Variants in EMC3 observed in about 807,000 individuals in gnomAD.
The protein encoded by EMC3 is 30 kDa protein.
EMC3 carries 13 observed loss-of-function variants against 36.6 expected under a neutral mutation model. The observed-to-expected ratio is 0.35, with a 90% confidence interval of 0.23 to 0.56. The LOEUF (loss-of-function observed/expected upper bound fraction) is 0.56, where lower values mean the gene tolerates loss of function less well. Among genes scored for constraint, EMC3 ranks in the 20% least tolerant of loss-of-function variants. The probability of loss-of-function intolerance (pLI) is 0.84; values close to 1 mark genes in which losing one functional copy is unlikely to be tolerated. For synonymous variants in EMC3, 120 were observed against 111.9 expected, an observed-to-expected ratio of 1.07 and a Z score of -0.46; for missense variants, 220 against 324.5, an observed-to-expected ratio of 0.68 and a Z score of 2.47.
intron 1 of EMC3, among the ~76,000 whole-genome samples, chr3:9,995,363 A>G (rs1361010536): frequency 5.9e-5 from 9 of 152,022 alleles, no homozygotes; most frequent in African/African-American, 1.9e-4. Context: ...AGAAAGAGGA[A>G]AACTACGCCC....
In EMC3 at chr3:9,973,719, A is replaced by T. The variant is rs1456401559; in HGVS notation, c.413-10T>A. 5.0e-6 allele frequency: 8 copies of T among 1,612,722 alleles called. No homozygotes were observed. Among genetic ancestry groups the T allele is most frequent in the Non-Finnish European group, 6.8e-6 (8 of 1,178,786 alleles). On this transcript the variant is annotated splice_polypyrimidine_tract_variant and intron_variant, in intron 4 of 7. Transcript: ENST00000245046. ...GGAAATGGGACCTTGGCTGCAGAGA[A>T]GAAAAAGTTCACAATCACTCTGAGC...
chr3:9,973,012 T>C (rs1406315750), intron 5 of EMC3, among the ~76,000 whole-genome samples: 3 of 149,958 alleles, frequency 2.0e-5, no homozygotes, highest in Non-Finnish European at 4.4e-5. Flanking sequence ...GTATTTTTAG[T>C]AGAGATGGGG....
chr3:9,989,887 C>A (rs527380455), upstream of EMC3, among the ~76,000 whole-genome samples: 39 of 150,892 alleles, frequency 2.6e-4, no homozygotes, highest in South Asian at 7.1e-3. Context: ...TTTTGGTGTC[C>A]TAAGAAGTGG....
At chr3:9,970,162 A>C (rs879603666) in intron 6 of EMC3, among the ~76,000 whole-genome samples, 1 of 152,238 alleles carries the variant, frequency 6.6e-6, no homozygotes, top group Non-Finnish European at 1.5e-5. Context: ...TTATTTACAG[A>C]TAAGTAAATA....
intron 1 of EMC3, chr3:10,005,026 T>C (rs550804833): frequency 6.6e-6 from 1 of 152,372 alleles, no homozygotes; most frequent in African/African-American, 2.4e-5. Flanking sequence ...AGACACCATC[T>C]GATAGGGAAC....
At chr3:9,975,539 A>G (rs1173468534) in intron 3 of EMC3, among the ~76,000 whole-genome samples, 4 of 151,696 alleles carry the variant, frequency 2.6e-5, no homozygotes, top group Non-Finnish European at 5.9e-5. Flanking sequence ...TTGGCCAGGC[A>G]CGGTGGCTCA....
chr3:9,994,319 A>G, intron 1 of EMC3: 1 of 915,504 alleles, frequency 1.1e-6, no homozygotes, highest in Non-Finnish European at 1.8e-6. Context: ...ACATACTGCC[A>G]GCAGGTATGT....
At chr3:9,979,212 C>T (rs1240962265) in intron 1 of EMC3, among the ~76,000 whole-genome samples, 3 of 152,178 alleles carry the variant, frequency 2.0e-5, no homozygotes, top group Admixed American at 6.5e-5. Context: ...GTGGTGAATG[C>T]TAGTCTGTGA....
chr3:9,967,154 T>C (rs899964622), intron 7 of EMC3, among the ~76,000 whole-genome samples: 1 of 152,158 alleles, frequency 6.6e-6, no homozygotes, highest in African/African-American at 2.4e-5. Context: ...CATGCAATAT[T>C]AAAGATTTGG....
upstream of EMC3, chr3:9,986,926 C>A (rs1160009539): frequency 2.4e-6 from 3 of 1,248,656 alleles, no homozygotes; most frequent in Non-Finnish European, 3.0e-6. Flanking sequence ...GGAAAACTAT[C>A]GGCGGTGGCC....
intron 1 of EMC3, 98 bp downstream of exon 1, chr3:9,986,409 G>C: frequency 7.1e-7 from 1 of 1,414,958 alleles, no homozygotes; most frequent in Non-Finnish European, 9.8e-7. Flanking sequence ...CTGTCAGAGG[G>C]GGCGCGACGT....
chr3:10,001,891 C>T lies in EMC3; in HGVS notation c.-242+9132G>A, dbSNP rs372591598. On this transcript the variant is annotated intron_variant, in intron 1 of 8. Coordinates refer to the EMC3 transcript ENST00000470827. Reference sequence around the variant, plus strand: ...GCGGGTGCCTGTAGTCCCGGCTACTCAGGAGGCTGAGGCAGGAGAATTGCA... The same window carrying T: ...GCGGGTGCCTGTAGTCCCGGCTACTTAGGAGGCTGAGGCAGGAGAATTGCA... Among the ~76,000 whole-genome samples the T allele has an allele frequency of 7.2e-5, 11 of 152,042 alleles. 1 individual carries two copies. The East Asian group carries it at 9.7e-4, about 13-fold the overall frequency.
intron 1 of EMC3, among the ~76,000 whole-genome samples, chr3:10,000,332 G>A (rs572555130): frequency 6.6e-6 from 1 of 152,208 alleles, no homozygotes; most frequent in Non-Finnish European, 1.5e-5. Flanking sequence ...GAGCTACTGC[G>A]CCCGGCCTCT....
intron 1 of EMC3, among the ~76,000 whole-genome samples, chr3:9,998,549 C>T (rs2086158607): frequency 1.3e-5 from 2 of 151,822 alleles, no homozygotes; most frequent in Non-Finnish European, 2.9e-5. Context: ...CCCTCCTCAG[C>T]CTCTTGAGTA....
intron 5 of EMC3, among the ~76,000 whole-genome samples, chr3:9,972,394 T>A (rs969381268): frequency 6.6e-6 from 1 of 151,786 alleles, no homozygotes; most frequent in African/African-American, 2.4e-5. Flanking sequence ...TGACACATTC[T>A]TTCCTTTTGC....
chr3:9,983,455 TC>T (rs1455856680), intron 1 of EMC3, among the ~76,000 whole-genome samples: 1 of 152,130 alleles, frequency 6.6e-6, no homozygotes, highest in Non-Finnish European at 1.5e-5. Context: ...GCTGTTACAT[TC>T]CTTCTTAAGG....
chr3:9,981,693 C>G (rs531010552), intron 1 of EMC3: 23 of 406,534 alleles, frequency 5.7e-5, no homozygotes, highest in Non-Finnish European at 7.7e-5. Context: ...TCTCAGCCCC[C>G]CAAAGTGCTG....
intron 3 of EMC3, among the ~76,000 whole-genome samples, chr3:9,976,711 C>T (rs2085853688): frequency 6.6e-6 from 1 of 152,126 alleles, no homozygotes; most frequent in Non-Finnish European, 1.5e-5. Flanking sequence ...CTCTGGCCTC[C>T]CCACTCCATC....
At chr3:9,978,145 T>TAAAAAAAAAAAAAAAAAAAAAAAAAA in intron 1 of EMC3, 1 of 27,282 alleles carries the variant, frequency 3.7e-5, no homozygotes, top group Non-Finnish European at 6.5e-5. Flanking sequence ...ACCCTGTCTC[T>TAAAAAAAAAAAAAAAAAAAAAAAAAA]AAAAAAAAAA....
Sources: allele counts gnomAD v4.1 joint callset (sites outside exome capture counted in the v4.1 genomes callset), GRCh38; gene constraint gnomAD v4.1.1; transcripts MANE v1.5; gene names NCBI Gene and HGNC (gene_info 2026-07-23, HGNC 2026-07-21).